The following CAMSAP2 variants were observed in gnomAD, a reference collection of about 807,000 sequenced individuals.
CAMSAP2 encodes the protein calmodulin-regulated spectrin-associated protein 2.
CAMSAP2 carries 26 observed loss-of-function variants against 146.1 expected under a neutral mutation model. The ratio of observed to expected loss-of-function variants is 0.18; its 90% CI spans 0.13 to 0.25. The LOEUF is 0.25. CAMSAP2 is among the 10% of genes least tolerant of loss of function. The pLI is 1.00. For synonymous variants in CAMSAP2, 499 were observed against 596.6 expected (o/e 0.84, Z 2.38); for missense variants, 1,381 against 1,759.3 (o/e 0.78, Z 3.85).
chr1:200,840,109 C>G (rs1191167648), intron 6 of CAMSAP2, among the ~76,000 whole-genome samples: 3 of 152,134 alleles, frequency 2.0e-5, no homozygotes, highest in Admixed American at 6.5e-5. Flanking sequence ...ATACTCCAGA[C>G]TCTTACACTC....
At chr1:200,800,239 C>T (rs189124117) in intron 2 of CAMSAP2, among the ~76,000 whole-genome samples, 2 of 152,022 alleles carry the variant, frequency 1.3e-5, no homozygotes, top group Non-Finnish European at 2.9e-5. Flanking sequence ...TTTTCTATCT[C>T]GTTGATCTAA....
intron 2 of CAMSAP2, among the ~76,000 whole-genome samples, chr1:200,772,118 G>T (rs1294287255): frequency 2.0e-5 from 3 of 152,016 alleles, no homozygotes; most frequent in Admixed American, 6.6e-5. Context: ...TCTTAACTAT[G>T]ACTCACAGTT....
intron 3 of CAMSAP2, among the ~76,000 whole-genome samples, chr1:200,814,079 G>C (rs1372902162): frequency 7.6e-6 from 1 of 131,158 alleles, no homozygotes; most frequent in South Asian, 2.7e-4. Flanking sequence ...CTGCACTCCA[G>C]CCTGGCTGAC....
intron 4 of CAMSAP2, chr1:200,828,743 A>G (rs766412879): frequency 1.0e-5 from 8 of 799,226 alleles, no homozygotes; most frequent in South Asian, 3.5e-5. Flanking sequence ...GTCATGTAAA[A>G]TGGAAAGATA....
chr1:200,784,692 A>G (rs1428747721), intron 2 of CAMSAP2, among the ~76,000 whole-genome samples: 2 of 152,194 alleles, frequency 1.3e-5, no homozygotes, highest in African/African-American at 4.8e-5. Context: ...TTGTCTGTGA[A>G]TAAACACAGT....
chr1:200,817,142 A>G (rs1335680245), intron 4 of CAMSAP2, among the ~76,000 whole-genome samples: 22 of 124,274 alleles, frequency 1.8e-4, no homozygotes, highest in African/African-American at 6.4e-4. Context: ...ATGTGTATAT[A>G]TACACATACA....
intron 4 of CAMSAP2, among the ~76,000 whole-genome samples, chr1:200,829,868 A>T (rs940845915): frequency 3.2e-4 from 49 of 152,194 alleles, no homozygotes; most frequent in African/African-American, 1.1e-3. Flanking sequence ...TCGAGGCTGC[A>T]GTGAGCCATG....
At chr1:200,839,442 G>A (rs1320156932) in intron 6 of CAMSAP2, among the ~76,000 whole-genome samples, 3 of 152,136 alleles carry the variant, frequency 2.0e-5, no homozygotes, top group African/African-American at 7.2e-5. Flanking sequence ...TATTTTGATG[G>A]GAGGGATTTG....
At chr1:200,791,881 G>A (rs554119634) in intron 2 of CAMSAP2, among the ~76,000 whole-genome samples, 6 of 151,978 alleles carry the variant, frequency 3.9e-5, no homozygotes, top group South Asian at 2.1e-4. Flanking sequence ...CAGAAGAATC[G>A]CTTGAACCCA....
intron 9 of CAMSAP2, 24 bp from the exon 10 acceptor site, chr1:200,847,616 G>A: frequency 1.3e-6 from 2 of 1,587,508 alleles, no homozygotes; most frequent in Non-Finnish European, 1.7e-6. Context: ...GATTTCAATG[G>A]CTTTTTCTTT....
At chr1:200,743,871 G>A (rs1474283664) in intron 1 of CAMSAP2, among the ~76,000 whole-genome samples, 1 of 152,096 alleles carries the variant, frequency 6.6e-6, no homozygotes. Context: ...AACCCAGGAA[G>A]TGGAGGTTGC....
At chr1:200,827,899 A>C (rs941229942) in intron 4 of CAMSAP2, among the ~76,000 whole-genome samples, 2 of 152,152 alleles carry the variant, frequency 1.3e-5, no homozygotes, top group African/African-American at 4.8e-5. Context: ...CATTTTTTTA[A>C]AGAAGAAAAT....
chr1:200,749,939 A>G (rs1402046433), intron 1 of CAMSAP2, among the ~76,000 whole-genome samples: 4 of 152,140 alleles, frequency 2.6e-5, no homozygotes, highest in African/African-American at 9.7e-5. Flanking sequence ...GTTTCCAGGA[A>G]CTGAATGTGA....
chr1:200,830,324 CG>C (rs1667011487), intron 4 of CAMSAP2, among the ~76,000 whole-genome samples: 1 of 151,974 alleles, frequency 6.6e-6, no homozygotes, highest in Admixed American at 6.6e-5. Context: ...TGTGTGTGCA[CG>C]TGCACATACA....
In CAMSAP2 at chr1:200,832,900, A is replaced by T; in HGVS notation, c.927+55A>T. The T allele has an allele frequency of 1.4e-6, 2 of 1,418,902 alleles. No individual in the cohort carries two copies. Among genetic ancestry groups the T allele is most frequent in the Non-Finnish European group, 1.9e-6 (2 of 1,050,886 alleles). 87.9% of individuals were successfully genotyped at this position (1,418,902 alleles called of 1,614,324 possible). On this transcript the variant is annotated intron_variant, in intron 6 of 16. Coordinates refer to ENST00000358823, the MANE Select transcript of CAMSAP2 (RefSeq NM_203459.4). The surrounding 1 kb of genome is among the most constrained non-coding windows in gnomAD (Gnocchi z 4.2). ...GCTTTGTTAAAATATGTTTTTTTAA[A>T]AAACAAACAAAAACACCGGGAACAG...
At position 200,848,938 on chromosome 1, in the gene CAMSAP2, T is replaced by C; in HGVS notation, c.2169T>C (p.His723=). The C allele has an allele frequency of 6.2e-7, 1 of 1,614,162 alleles. No homozygotes were observed. Among genetic ancestry groups the C allele is most frequent in the Non-Finnish European group, 8.5e-7 (1 of 1,180,016 alleles). ...TPEGSELNIP[H]VVAWAQIPEE... is the part of the protein sequence containing the mutation. ...AAGGCTCTGAACTTAATATTCCTCA[T>C]GTGGTTGCTTGGGCACAAATTCCAG... Residue 723 remains histidine, a synonymous_variant, in exon 11 of 17, where the codon CAT becomes CAC. Coordinates refer to ENST00000358823, the MANE Select transcript of CAMSAP2 (RefSeq NM_203459.4).
chr1:200,747,378 C>T (rs1664364518), intron 1 of CAMSAP2, among the ~76,000 whole-genome samples: 2 of 152,202 alleles, frequency 1.3e-5, no homozygotes, highest in East Asian at 1.9e-4. Context: ...AAAGATTAAT[C>T]GAGGACTCTC....
rs952277160 is a variant in CAMSAP2 at position 200,742,866 on chromosome 1, G to T, written c.139+2900G>T. Among the ~76,000 whole-genome samples, 4 of 151,924 alleles carry T rather than the reference G, an allele frequency of 2.6e-5. No homozygotes were observed. The South Asian group carries it at 8.3e-4, about 31-fold the overall frequency. On this transcript the variant is annotated intron_variant, in intron 1 of 16. Transcript: ENST00000358823. Reference sequence around the variant, plus strand: ...AACTTAAAAAAAAAACACTGATGTTGTAATACCTAGAAAGCAAATATGGAA... The same window carrying T: ...AACTTAAAAAAAAAACACTGATGTTTTAATACCTAGAAAGCAAATATGGAA...
chr1:200,799,182 TA>T (rs1431876094), intron 2 of CAMSAP2, among the ~76,000 whole-genome samples: 2 of 152,220 alleles, frequency 1.3e-5, no homozygotes, highest in Non-Finnish European at 2.9e-5. Context: ...GCTGGCCTCA[TA>T]AAAAGAGTTA....
Sources: allele counts gnomAD v4.1 joint callset (sites outside exome capture counted in the v4.1 genomes callset), GRCh38; gene constraint gnomAD v4.1.1; non-coding constraint Gnocchi (gnomAD v3.1); transcripts MANE v1.5; gene names NCBI Gene and HGNC (gene_info 2026-07-23, HGNC 2026-07-21).